IL17C: variants seen among roughly 807,000 people sequenced by gnomAD.
IL17C encodes the protein interleukin 17C.
A neutral mutation model predicts 11.0 loss-of-function variants in IL17C; 13 were observed. The ratio of observed to expected loss-of-function variants is 1.18; its 90% CI spans 0.77 to 1.88. The LOEUF is 1.88. Among genes scored for constraint, IL17C ranks in the 40% most tolerant of loss-of-function variants. The pLI, the probability that IL17C is intolerant of heterozygous loss-of-function variation, is 0.00. For synonymous variants in IL17C, 150 were observed against 125.8 expected (o/e 1.19, Z -1.29); for missense variants, 357 against 278.2 (o/e 1.28, Z -2.01).
chr16:88,640,058 C>T lies in IL17C; in HGVS notation c.580C>T (p.Pro194Ser). The change falls in exon 3 of 3, where the codon CCC becomes TCC. Residue 194 changes from proline to serine, a missense_variant. Pro to Ser is a moderately conservative substitution (Grantham distance 74, BLOSUM62 -1). Transcript: ENST00000244241. ...CCCCGTCGGCTGCACCTGCGTGCTGCCCCGTTCAGTGTGACCGCCGAGGCC... is the reference window on the plus strand; with the variant it reads ...CCCCGTCGGCTGCACCTGCGTGCTGTCCCGTTCAGTGTGACCGCCGAGGCC... The part of the protein sequence containing the change: ...HVPVGCTCVL[P>S]RSV The T allele has an allele frequency of 1.3e-6, 2 of 1,566,346 alleles. No homozygotes were observed. The highest frequency in any genetic ancestry group is 1.7e-6 in the Non-Finnish European group (2 of 1,153,584).
chr16:88,639,243 T>C lies in IL17C; in HGVS notation c.269T>C (p.Val90Ala), dbSNP rs758366215. The C allele has an allele frequency of 1.1e-5, 17 of 1,612,278 alleles. No homozygotes were observed. Among genetic ancestry groups the C allele is most frequent in the Non-Finnish European group, 5.1e-6 (6 of 1,179,732 alleles). ...ERPSATTQCPVLRPEEVLEAD... is the reference protein window; with the variant it reads ...ERPSATTQCPALRPEEVLEAD... Reference sequence around the variant, plus strand: ...CCCTCAGCTACGACCCAGTGCCCGGTGCTGCGGCCGGAGGAGGTGTTGGAG... The same window carrying C: ...CCCTCAGCTACGACCCAGTGCCCGGCGCTGCGGCCGGAGGAGGTGTTGGAG... Residue 90 changes from valine (V) to alanine (A), a missense_variant, in exon 2 of 3, where the codon GTG becomes GCG. By Grantham distance (64) the Val-to-Ala change is moderately conservative. Transcript: ENST00000244241. The surrounding 1 kb of genome is among the most constrained non-coding windows in gnomAD (Gnocchi z 5.1).
At position 88,639,167 on chromosome 16, in the gene IL17C, G is replaced by A. The variant is rs1470327859; in HGVS notation, c.193G>A (p.Ala65Thr). 6.2e-7 allele frequency: 1 copy of A among 1,612,894 alleles called. No individual in the cohort carries two copies. The highest frequency in any genetic ancestry group is 1.7e-5 in the Admixed American group (1 of 60,024). Residue 65 changes from alanine to threonine, a missense_variant, in exon 2 of 3, where the codon GCC becomes ACC. Coordinates refer to ENST00000244241, the MANE Select transcript of IL17C (RefSeq NM_013278.4). This position sits in a 1 kb window ranked among gnomAD's most constrained non-coding sequence, Gnocchi z 5.1. ...CAAGTGGGGGCAGGCTTTGCCTGTAGCCCTGGTGTCCAGCCTGGAGGCAGC... is the reference window on the plus strand; with the variant it reads ...CAAGTGGGGGCAGGCTTTGCCTGTAACCCTGGTGTCCAGCCTGGAGGCAGC... The part of the protein sequence containing the change: ...GAKWGQALPV[A>T]LVSSLEAASH...
At position 88,639,986 on chromosome 16, in the gene IL17C, C is replaced by T. The variant is rs574905896; in HGVS notation, c.508C>T (p.Leu170Phe). The T allele has an allele frequency of 2.7e-5, 44 of 1,609,334 alleles. No homozygotes were observed. The South Asian group carries it at 2.8e-4, about 10-fold the overall frequency. Residue 170 changes from leucine to phenylalanine, a missense_variant, in exon 3 of 3, where the codon CTC becomes TTC. Coordinates refer to ENST00000244241, the MANE Select transcript of IL17C (RefSeq NM_013278.4). This position sits in a 1 kb window ranked among gnomAD's most constrained non-coding sequence, Gnocchi z 5.1. ...RRPCSRDGSG[L>F]PTPGAFAFHT... ...GCCCTGCTCCCGCGACGGCTCGGGG[C>T]TCCCCACACCTGGGGCCTTTGCCTT... is the stretch of plus-strand genomic sequence containing the variant.
rs1907021872 is a variant in IL17C, at chr16:88,640,207, G to A, written c.*135G>A. On this transcript the variant is annotated 3_prime_UTR_variant, in exon 3 of 3. Coordinates refer to ENST00000244241, the MANE Select transcript of IL17C (RefSeq NM_013278.4). ...GGTCTGGGCATTCCCCGTGTCTGGA[G>A]GACAGCCCCCCACTGTTCTCCTCAT... 3.0e-6 allele frequency: 3 copies of A among 1,009,186 alleles called. No individual in the cohort carries two copies. The highest frequency in any genetic ancestry group is 4.2e-6 in the Non-Finnish European group (3 of 710,924). The allele number at this position is 1,009,186 out of a possible 1,614,324, so 62.5% of individuals were successfully genotyped here.
Position 88,638,971 on chromosome 16 carries a change from G to A in IL17C, c.7-10G>A, listed in dbSNP as rs1318871455. Reference sequence around the variant, plus strand: ...GCACCTCCTAACCACCCACCTGCCTGTTTCACCAGCTCCTCCCCGGCCTCC... The same window carrying A: ...GCACCTCCTAACCACCCACCTGCCTATTTCACCAGCTCCTCCCCGGCCTCC... On this transcript the variant is annotated splice_polypyrimidine_tract_variant and intron_variant, in intron 1 of 2. Transcript: ENST00000244241. 6.4e-7 allele frequency: 1 copy of A among 1,552,202 alleles called. No individual in the cohort carries two copies. Among genetic ancestry groups the A allele is most frequent in the African/African-American group, 1.4e-5 (1 of 73,522 alleles).
chr16:88,639,438 C>T lies in IL17C; in HGVS notation c.335+129C>T, dbSNP rs1451507863. 1 of 890,342 alleles carries T rather than the reference C, an allele frequency of 1.1e-6. No individual in the cohort carries two copies. Among genetic ancestry groups the T allele is most frequent in the Non-Finnish European group, 1.7e-6 (1 of 604,304 alleles). The allele number at this position is 890,342 out of a possible 1,614,324, so 55.2% of individuals were successfully genotyped here. A position where few individuals can be genotyped will look rare whatever the true frequency, so the allele number is the denominator to read the frequency against. ...GTGGGCGTGGCCACCTGAGCTCCCT[C>T]CCTCCGGCCCTCCTGACCTGGACGG... On this transcript the variant is annotated intron_variant, in intron 2 of 2. Coordinates refer to ENST00000244241, the MANE Select transcript of IL17C (RefSeq NM_013278.4). This position sits in a 1 kb window ranked among gnomAD's most constrained non-coding sequence, Gnocchi z 5.1.
In IL17C at chr16:88,639,392, T is replaced by A; in HGVS notation, c.335+83T>A. On this transcript the variant is annotated intron_variant, in intron 2 of 2. Coordinates refer to ENST00000244241, the MANE Select transcript of IL17C (RefSeq NM_013278.4). The surrounding 1 kb of genome is among the most constrained non-coding windows in gnomAD (Gnocchi z 5.1). Reference sequence around the variant, plus strand: ...GACTGCCCGGAGAGCTCTCTGGGCCTTGGTGGTTCTCACCTGTCAAGTGGG... The same window carrying A: ...GACTGCCCGGAGAGCTCTCTGGGCCATGGTGGTTCTCACCTGTCAAGTGGG... 7.4e-7 allele frequency: 1 copy of A among 1,349,468 alleles called. No homozygotes were observed. The highest frequency in any genetic ancestry group is 1.5e-5 in the South Asian group (1 of 68,684). The allele number at this position is 1,349,468 out of a possible 1,614,324, so 83.6% of individuals were successfully genotyped here.
rs1906995694 is a variant in IL17C at position 88,639,503 on chromosome 16, C to G, written c.335+194C>G. Among the ~76,000 whole-genome samples the G allele has an allele frequency of 6.6e-6, 1 of 152,170 alleles. No individual in the cohort carries two copies. Among genetic ancestry groups the G allele is most frequent in the South Asian group, 2.1e-4 (1 of 4,836 alleles). The stretch of plus-strand genomic sequence containing the variant: ...GCGGCTGGCCGTGCCCTGCCTCCCA[C>G]TGTCCTAGGTGGCCAGGGTCCCCTG... On this transcript the variant is annotated intron_variant, in intron 2 of 2. Coordinates refer to ENST00000244241, the MANE Select transcript of IL17C (RefSeq NM_013278.4). This position sits in a 1 kb window ranked among gnomAD's most constrained non-coding sequence, Gnocchi z 5.1.
chr16:88,638,763 C>T (rs1434555106), intron 1 of IL17C, 116 bp downstream of exon 1: 1 of 1,521,772 alleles, frequency 6.6e-7, no homozygotes, highest in Non-Finnish European at 9.1e-7. Flanking sequence ...CTGGGAAACC[C>T]CTCAGTCTGG....
Position 88,639,253 on chromosome 16 carries a change from G to A in IL17C, c.279G>A (p.Pro93=), listed in dbSNP as rs371087397. The A allele has an allele frequency of 1.3e-4, 209 of 1,611,962 alleles. 1 individual carries two copies. The highest frequency in any genetic ancestry group is 1.6e-4 in the Middle Eastern group (1 of 6,068). ...SATTQCPVLR[P]EEVLEADTHQ... ...CGACCCAGTGCCCGGTGCTGCGGCC[G>A]GAGGAGGTGTTGGAGGCAGACACCC... is the stretch of plus-strand genomic sequence containing the variant. Residue 93 remains proline, a synonymous_variant, in exon 2 of 3, where the codon CCG becomes CCA. Coordinates refer to ENST00000244241, the MANE Select transcript of IL17C (RefSeq NM_013278.4). The surrounding 1 kb of genome is among the most constrained non-coding windows in gnomAD (Gnocchi z 5.1).
Position 88,639,379 on chromosome 16 carries a change from A to G in IL17C, c.335+70A>G. 7.1e-7 allele frequency: 1 copy of G among 1,417,562 alleles called. No individual in the cohort carries two copies. The highest frequency in any genetic ancestry group is 9.4e-7 in the Non-Finnish European group (1 of 1,066,938). The allele number at this position is 1,417,562 out of a possible 1,614,324, so 87.8% of individuals were successfully genotyped here. ...CTGGCGGGGCCCTGACTGCCCGGAG[A>G]GCTCTCTGGGCCTTGGTGGTTCTCA... On this transcript the variant is annotated intron_variant, in intron 2 of 2. Coordinates refer to ENST00000244241, the MANE Select transcript of IL17C (RefSeq NM_013278.4). This position sits in a 1 kb window ranked among gnomAD's most constrained non-coding sequence, Gnocchi z 5.1.
chr16:88,640,263 G>A lies in IL17C; in HGVS notation c.*191G>A. On this transcript the variant is annotated 3_prime_UTR_variant, in exon 3 of 3. Transcript: ENST00000244241. Reference sequence around the variant, plus strand: ...GCCTCAGTAGTTGGGGGTAGAAGGAGCTCAGCACCTCTTCCAGCCCTTAAA... The same window carrying A: ...GCCTCAGTAGTTGGGGGTAGAAGGAACTCAGCACCTCTTCCAGCCCTTAAA... 1 of 588,984 alleles carries A rather than the reference G, an allele frequency of 1.7e-6. No homozygotes were observed. The highest frequency in any genetic ancestry group is 3.1e-5 in the East Asian group (1 of 32,360). 36.5% of individuals were successfully genotyped at this position (588,984 alleles called of 1,614,324 possible).
rs1180317891 is a variant in IL17C at position 88,639,731 on chromosome 16, A to T, written c.336-83A>T. 7.0e-7 allele frequency: 1 copy of T among 1,425,472 alleles called. No homozygotes were observed. Among genetic ancestry groups the T allele is most frequent in the African/African-American group, 1.4e-5 (1 of 70,034 alleles). The allele number at this position is 1,425,472 out of a possible 1,614,324, so 88.3% of individuals were successfully genotyped here. The stretch of plus-strand genomic sequence containing the variant: ...CGCTGCCTCAGGTCCTATCCTGAGT[A>T]CACGGAGAGGGGCCCTGAGGGGAGA... On this transcript the variant is annotated intron_variant, in intron 2 of 2. Coordinates refer to ENST00000244241, the MANE Select transcript of IL17C (RefSeq NM_013278.4). This position sits in a 1 kb window ranked among gnomAD's most constrained non-coding sequence, Gnocchi z 5.1.
Position 88,639,546 on chromosome 16 carries a change from T to G in IL17C, c.335+237T>G, listed in dbSNP as rs1247459601. ...GTCCCCTGGGGAAATTCTGGGCCCG[T>G]CACCTGAGCTCCTGCAGAAGTGGGG... On this transcript the variant is annotated intron_variant, in intron 2 of 2. Coordinates refer to ENST00000244241, the MANE Select transcript of IL17C (RefSeq NM_013278.4). This position sits in a 1 kb window ranked among gnomAD's most constrained non-coding sequence, Gnocchi z 5.1. 1.3e-5 allele frequency among the ~76,000 whole-genome samples: 2 copies of G among 152,042 alleles called. No homozygotes were observed. The highest frequency in any genetic ancestry group is 4.8e-5 in the African/African-American group (2 of 41,390).
In IL17C at chr16:88,638,599, T is replaced by G; in HGVS notation, c.-43T>G. 2 of 1,611,480 alleles carry G rather than the reference T, an allele frequency of 1.2e-6. No individual in the cohort carries two copies. The highest frequency in any genetic ancestry group is 1.7e-6 in the Non-Finnish European group (2 of 1,179,860). ...GTGCACCTGTGGGATTGCCGCCAGG[T>G]GTGCAGGCCGCTCCAAGCCCAGCCT... On this transcript the variant is annotated 5_prime_UTR_variant, in exon 1 of 3. Coordinates refer to ENST00000244241, the MANE Select transcript of IL17C (RefSeq NM_013278.4).
At chr16:88,638,842 C>A in intron 1 of IL17C, 139 bp from the exon 2 acceptor site, 3 of 1,148,870 alleles carry the variant, frequency 2.6e-6, no homozygotes, top group Middle Eastern at 2.0e-4. Context: ...AAGGGCTAGC[C>A]TCTCTGGGCT....
intron 1 of IL17C, 126 bp from the exon 2 acceptor site, chr16:88,638,855 A>T: frequency 1.7e-6 from 2 of 1,170,484 alleles, no homozygotes; most frequent in East Asian, 2.4e-5. Flanking sequence ...TCTGGGCTTC[A>T]GTTTCCCCAT....
At position 88,639,836 on chromosome 16, in the gene IL17C, T is replaced by C. The variant is rs368823863; in HGVS notation, c.358T>C (p.Tyr120His). The C allele has an allele frequency of 1.1e-5, 17 of 1,579,672 alleles. No individual in the cohort carries two copies. The highest frequency in any genetic ancestry group is 2.3e-5 in the South Asian group (2 of 87,650). The change falls in exon 3 of 3, where the codon TAT becomes CAT. Residue 120 changes from tyrosine to histidine, a missense_variant. Coordinates refer to ENST00000244241, the MANE Select transcript of IL17C (RefSeq NM_013278.4). This position sits in a 1 kb window ranked among gnomAD's most constrained non-coding sequence, Gnocchi z 5.1. ...RYRVDTDEDR[Y>H]PQKLAFAECL... ...CAGTGTGGACACGGATGAGGACCGC[T>C]ATCCACAGAAGCTGGCCTTCGCCGA...
At position 88,639,805 on chromosome 16, in the gene IL17C, G is replaced by A. The variant is rs375621863; in HGVS notation, c.336-9G>A. On this transcript the variant is annotated splice_polypyrimidine_tract_variant and intron_variant, in intron 2 of 2. Transcript: ENST00000244241. This position sits in a 1 kb window ranked among gnomAD's most constrained non-coding sequence, Gnocchi z 5.1. Reference sequence around the variant, plus strand: ...GGGCCAGAGACTCACTGTGCACCCCGTCCCGCAGTGTGGACACGGATGAGG... The same window carrying A: ...GGGCCAGAGACTCACTGTGCACCCCATCCCGCAGTGTGGACACGGATGAGG... 4.7e-4 allele frequency: 719 copies of A among 1,540,118 alleles called. 2 individuals carry two copies. Among genetic ancestry groups the A allele is most frequent in the East Asian group, 5.8e-4 (24 of 41,648 alleles).
Sources: allele counts gnomAD v4.1 joint callset (sites outside exome capture counted in the v4.1 genomes callset), GRCh38; gene constraint gnomAD v4.1.1; non-coding constraint Gnocchi (gnomAD v3.1); transcripts MANE v1.5; gene names NCBI Gene and HGNC (gene_info 2026-07-23, HGNC 2026-07-21).